The following EPB41L3 variants were observed in gnomAD, a reference collection of about 807,000 sequenced individuals.
EPB41L3 encodes band 4.1-like protein 3.
A neutral mutation model predicts 127.1 loss-of-function variants in EPB41L3; 57 were observed. That is an observed-to-expected ratio of 0.45 (90% CI 0.36 to 0.56). EPB41L3 has a LOEUF of 0.56. EPB41L3 is among the 20% of genes least tolerant of loss of function. The probability of loss-of-function intolerance (pLI) is 0.00; values close to 1 mark genes in which losing one functional copy is unlikely to be tolerated. For missense variants in EPB41L3, 1,273 were observed against 1,372.2 expected (o/e 0.93, Z 1.14); for synonymous variants, 572 against 549.5 (o/e 1.04, Z -0.57).
Position 5,397,919 on chromosome 18 carries a change from G to A in EPB41L3, c.2472+102C>T. On this transcript the variant is annotated intron_variant, in intron 17 of 22. Transcript: ENST00000341928. The surrounding 1 kb of genome is among the most constrained non-coding windows in gnomAD (Gnocchi z 4.1). The stretch of plus-strand genomic sequence containing the variant: ...TGAAGACACCTTTGAGATGTTGAAG[G>A]CAAAGCCAGCTGGATGCAACCACAC... The A allele has an allele frequency of 7.0e-7, 1 of 1,436,114 alleles. No individual in the cohort carries two copies. Among genetic ancestry groups the A allele is most frequent in the Non-Finnish European group, 9.6e-7 (1 of 1,039,490 alleles). 89.0% of individuals were successfully genotyped at this position (1,436,114 alleles called of 1,614,324 possible). A position where few individuals can be genotyped will look rare whatever the true frequency, so the allele number is the denominator to read the frequency against.
chr18:5,523,079 C>G (rs1342598163), intron 1 of EPB41L3, among the ~76,000 whole-genome samples: 6 of 152,090 alleles, frequency 3.9e-5, no homozygotes, highest in African/African-American at 1.4e-4. Flanking sequence ...CAGGGATATG[C>G]AAAATGACTA....
chr18:5,437,107 C>T (rs2079961407), intron 6 of EPB41L3, among the ~76,000 whole-genome samples: 1 of 152,142 alleles, frequency 6.6e-6, no homozygotes, highest in African/African-American at 2.4e-5. Context: ...TCAGAGCACA[C>T]CAGAACAATG....
At chr18:5,618,230 A>C (rs1042145470) in intron 1 of EPB41L3, among the ~76,000 whole-genome samples, 12 of 152,190 alleles carry the variant, frequency 7.9e-5, no homozygotes, top group African/African-American at 2.9e-4. Flanking sequence ...TTTCACCCTA[A>C]GGCTAAAAAA....
At chr18:5,580,738 A>G (rs1186584746) in intron 3 of EPB41L3, among the ~76,000 whole-genome samples, 1 of 152,210 alleles carries the variant, frequency 6.6e-6, no homozygotes, top group Non-Finnish European at 1.5e-5. Context: ...CTTTTCCGGC[A>G]TTGCTCAAGA....
chr18:5,510,283 C>T (rs760729073), intron 1 of EPB41L3, among the ~76,000 whole-genome samples: 23 of 152,044 alleles, frequency 1.5e-4, no homozygotes, highest in Non-Finnish European at 2.9e-4. Context: ...CCAGGAAGTC[C>T]CAACTTTCTT....
intron 1 of EPB41L3, among the ~76,000 whole-genome samples, chr18:5,504,161 C>T (rs2091966780): frequency 6.6e-6 from 1 of 152,202 alleles, no homozygotes; most frequent in African/African-American, 2.4e-5. Context: ...CCTTCAGTTT[C>T]AGCCTTAGTG....
intron 3 of EPB41L3, among the ~76,000 whole-genome samples, chr18:5,459,815 T>G (rs2083679351): frequency 1.3e-5 from 2 of 152,248 alleles, no homozygotes; most frequent in Admixed American, 1.3e-4. Context: ...TTTTCTAAAA[T>G]AAACTATTAT....
At chr18:5,574,135 G>A (rs907661208) in intron 3 of EPB41L3, among the ~76,000 whole-genome samples, 1 of 151,950 alleles carries the variant, frequency 6.6e-6, no homozygotes, top group Non-Finnish European at 1.5e-5. Flanking sequence ...CTAATACAAA[G>A]TCAAAATTCC....
chr18:5,577,340 TAA>T (rs761642384), intron 3 of EPB41L3: 8 of 453,344 alleles, frequency 1.8e-5, no homozygotes, highest in Non-Finnish European at 3.1e-5. Context: ...CTCCAAATCC[TAA>T]GAGAGACTTT....
intron 1 of EPB41L3, among the ~76,000 whole-genome samples, chr18:5,527,200 T>C (rs567501150): frequency 6.6e-6 from 1 of 152,038 alleles, no homozygotes; most frequent in South Asian, 2.1e-4. Context: ...AACACAACCA[T>C]CACCCTGAGC....
rs756915897 is a variant in EPB41L3, at chr18:5,393,076, T to G, written c.*409A>C. On this transcript the variant is annotated 3_prime_UTR_variant, in exon 23 of 23. Transcript: ENST00000341928. Reference sequence around the variant, plus strand: ...GGGTAATCTTCATTTATTGTAAATATAAGGTTACCTAAGAAATTGCAATTT... The same window carrying G: ...GGGTAATCTTCATTTATTGTAAATAGAAGGTTACCTAAGAAATTGCAATTT... 1.7e-4 allele frequency: 28 copies of G among 169,308 alleles called. No homozygotes were observed. Among genetic ancestry groups the G allele is most frequent in the Non-Finnish European group, 2.6e-4 (21 of 79,434 alleles). The allele number at this position is 169,308 out of a possible 1,614,324, so 10.5% of individuals were successfully genotyped here.
At chr18:5,520,521 G>GTA in intron 1 of EPB41L3, among the ~76,000 whole-genome samples, 1 of 144,054 alleles carries the variant, frequency 6.9e-6, no homozygotes, top group African/African-American at 2.6e-5. Flanking sequence ...CTTCCAAGTT[G>GTA]TATCACCCAT....
In EPB41L3 at chr18:5,395,658, G is replaced by C. The variant is rs1300561636; in HGVS notation, c.3023C>G (p.Thr1008Arg). The C allele has an allele frequency of 8.1e-6, 13 of 1,614,016 alleles. No individual in the cohort carries two copies. The highest frequency in any genetic ancestry group is 1.1e-5 in the Non-Finnish European group (13 of 1,180,040). The change falls in exon 20 of 23, where the codon ACG (threonine) becomes AGG (arginine). Residue 1008 changes from threonine to arginine, a missense_variant. Physicochemically the swap from Thr to Arg is moderately conservative, Grantham distance 71 (BLOSUM62 -1). This residue lies in a region of EPB41L3 where 765 missense variants were observed against 782.9 expected (regional missense o/e 0.98). Transcript: ENST00000341928. ...GGTACTGGTGGTTTCAGATGTGATC[G>C]TCTGTGCACTCATCAGCACGCCTGG... ...LEPGVLMSAQTITSETTSTTT... is the reference protein window; with the variant it reads ...LEPGVLMSAQRITSETTSTTT...
At chr18:5,491,766 A>C (rs1345720494) in intron 1 of EPB41L3, among the ~76,000 whole-genome samples, 1 of 152,224 alleles carries the variant, frequency 6.6e-6, no homozygotes, top group Non-Finnish European at 1.5e-5. Context: ...AATAAAATAA[A>C]ACTGTCAAGG....
intron 1 of EPB41L3, among the ~76,000 whole-genome samples, chr18:5,500,306 C>T (rs962914813): frequency 5.9e-5 from 9 of 152,230 alleles, no homozygotes; most frequent in African/African-American, 1.9e-4. Flanking sequence ...CACCTTAATT[C>T]AGGAGCATAT....
intron 3 of EPB41L3, among the ~76,000 whole-genome samples, chr18:5,447,116 T>C (rs142504403): frequency 1.3e-5 from 2 of 152,312 alleles, no homozygotes; most frequent in African/African-American, 4.8e-5. Flanking sequence ...CAAGTAAACC[T>C]GTGCTTGAAT....
chr18:5,522,663 G>C (rs922396398), intron 1 of EPB41L3, among the ~76,000 whole-genome samples: 1 of 152,130 alleles, frequency 6.6e-6, no homozygotes, highest in Non-Finnish European at 1.5e-5. Flanking sequence ...AGAACACACT[G>C]AATGTTTTTG....
chr18:5,490,908 C>T (rs940703015), intron 1 of EPB41L3, among the ~76,000 whole-genome samples: 1 of 152,296 alleles, frequency 6.6e-6, no homozygotes, highest in East Asian at 1.9e-4. Context: ...CCAAGCACTG[C>T]TTGTGGTTTA....
chr18:5,604,985 T>C (rs2094633782), intron 3 of EPB41L3, among the ~76,000 whole-genome samples: 1 of 152,204 alleles, frequency 6.6e-6, no homozygotes, highest in African/African-American at 2.4e-5. Context: ...GGCCCTTAGC[T>C]GTCAACCATC....
Sources: allele counts gnomAD v4.1 joint callset (sites outside exome capture counted in the v4.1 genomes callset), GRCh38; gene constraint gnomAD v4.1.1; regional missense constraint gnomAD v4.1.1; non-coding constraint Gnocchi (gnomAD v3.1); transcripts MANE v1.5; gene names NCBI Gene and HGNC (gene_info 2026-07-23, HGNC 2026-07-21).